Variants in VDAC1 observed in about 807,000 individuals in gnomAD.
The protein encoded by VDAC1 is voltage dependent anion channel 1, also known as non-selective voltage-gated ion channel VDAC1.
VDAC1 carries 10 observed loss-of-function variants against 34.7 expected under a neutral mutation model. The observed-to-expected ratio is 0.29, with a 90% CI of 0.18 to 0.49. VDAC1 has a LOEUF of 0.49. VDAC1 is among the 20% of genes least tolerant of loss of function. The pLI is 0.99. For missense variants in VDAC1, 230 were observed against 347.9 expected, an observed-to-expected ratio of 0.66 and a Z score of 2.69; for synonymous variants, 130 against 136.0, an observed-to-expected ratio of 0.96 and a Z score of 0.30.
At chr5:134,021,550 C>T in the VDAC1 span, among the ~76,000 whole-genome samples, 12 of 122,366 alleles carry the variant, frequency 9.8e-5, no homozygotes, top group East Asian at 2.8e-3. Context: ...GTATTGAGAC[C>T]TTGTCTTAAA....
chr5:134,085,420 T>C, the VDAC1 span, among the ~76,000 whole-genome samples: 1 of 152,000 alleles, frequency 6.6e-6, no homozygotes, highest in Non-Finnish European at 1.5e-5. Context: ...AGTACAAAGC[T>C]TGGAGGTCTT....
At chr5:134,049,955 C>T in the VDAC1 span, among the ~76,000 whole-genome samples, 1 of 152,074 alleles carries the variant, frequency 6.6e-6, no homozygotes, top group African/African-American at 2.4e-5. Flanking sequence ...TTTAGATGTA[C>T]TAAATCCACC....
chr5:133,986,201 G>C (rs1752898139), intron 5 of VDAC1, among the ~76,000 whole-genome samples: 1 of 152,180 alleles, frequency 6.6e-6, no homozygotes, highest in African/African-American at 2.4e-5. Flanking sequence ...CTCAGCGTGG[G>C]TGCTGGTCCT....
the VDAC1 span, among the ~76,000 whole-genome samples, chr5:134,031,181 C>A: frequency 1.3e-5 from 2 of 152,012 alleles, no homozygotes; most frequent in African/African-American, 2.4e-5. Flanking sequence ...AGAACTAAAT[C>A]CAACATAGGA....
At chr5:134,088,772 A>G in the VDAC1 span, among the ~76,000 whole-genome samples, 2 of 152,156 alleles carry the variant, frequency 1.3e-5, no homozygotes, top group African/African-American at 4.8e-5. Context: ...ACTGAAGGTT[A>G]CCACTATTAC....
chr5:134,040,430 C>T, the VDAC1 span, among the ~76,000 whole-genome samples: 2 of 152,170 alleles, frequency 1.3e-5, no homozygotes, highest in Non-Finnish European at 2.9e-5. Context: ...CAAAAATTAA[C>T]TGGGTGTGGT....
the VDAC1 span, among the ~76,000 whole-genome samples, chr5:134,021,598 A>C: frequency 4.0e-4 from 61 of 152,242 alleles, no homozygotes; most frequent in South Asian, 1.5e-3. Flanking sequence ...TGGGGAAATA[A>C]AGCTACCAAG....
At chr5:134,094,519 A>C in the VDAC1 span, among the ~76,000 whole-genome samples, 4,841 of 152,126 alleles carry the variant, frequency 0.032, 99 homozygotes, top group Non-Finnish European at 0.05. Context: ...AACACGATAA[A>C]ACCCTGTCTC....
In VDAC1 at chr5:133,976,203, A is replaced by G. The variant is rs910398592; in HGVS notation, c.552-182T>C. 71 of 686,360 alleles carry G rather than the reference A, an allele frequency of 1.0e-4. No homozygotes were observed. The African/African-American group carries it at 1.1e-3, about 11-fold the overall frequency. The allele number at this position is 686,360 out of a possible 1,614,324, so 42.5% of individuals were successfully genotyped here. A position where few individuals can be genotyped will look rare whatever the true frequency, so the allele number is the denominator to read the frequency against. On this transcript the variant is annotated intron_variant, in intron 6 of 8. Transcript: ENST00000265333. ...CAGGTACTAAATTACAGGAAGTCTG[A>G]TAAGTATGGAACAGGCACCTAGCCA...
the VDAC1 span, among the ~76,000 whole-genome samples, chr5:134,104,409 A>G: frequency 6.6e-6 from 1 of 152,194 alleles, no homozygotes; most frequent in Admixed American, 6.5e-5. Flanking sequence ...GGATCACTGC[A>G]CAAAGGGTCT....
chr5:134,102,340 C>CG, the VDAC1 span, among the ~76,000 whole-genome samples: 2 of 147,124 alleles, frequency 1.4e-5, no homozygotes, highest in African/African-American at 5.4e-5. Context: ...CTCTACCCCC[C>CG]CCACCCCAAA....
At chr5:134,027,708 T>C in the VDAC1 span, among the ~76,000 whole-genome samples, 1 of 151,712 alleles carries the variant, frequency 6.6e-6, no homozygotes, top group Non-Finnish European at 1.5e-5. Context: ...CCTGCCCACC[T>C]ACCATGACTG....
At chr5:134,020,054 T>C in the VDAC1 span, among the ~76,000 whole-genome samples, 1 of 151,924 alleles carries the variant, frequency 6.6e-6, no homozygotes, top group Non-Finnish European at 1.5e-5. Flanking sequence ...TGTGACCTAC[T>C]CTCTAGCCTT....
the VDAC1 span, among the ~76,000 whole-genome samples, chr5:134,060,752 A>G: frequency 6.6e-6 from 1 of 151,676 alleles, no homozygotes; most frequent in South Asian, 2.1e-4. Flanking sequence ...ATACCTATAA[A>G]TCATATATAT....
the VDAC1 span, among the ~76,000 whole-genome samples, chr5:134,060,152 G>C: frequency 6.6e-6 from 1 of 151,880 alleles, no homozygotes; most frequent in Non-Finnish European, 1.5e-5. Context: ...AAAGCCAAGA[G>C]TCAGAAACTG....
At chr5:133,992,675 G>A (rs989100320) in intron 2 of VDAC1, among the ~76,000 whole-genome samples, 10 of 152,394 alleles carry the variant, frequency 6.6e-5, no homozygotes, top group African/African-American at 1.9e-4. Context: ...TATAGAAGCC[G>A]CGCTCCACTG....
the VDAC1 span, among the ~76,000 whole-genome samples, chr5:134,022,751 G>A: frequency 6.6e-6 from 1 of 152,202 alleles, no homozygotes; most frequent in Non-Finnish European, 1.5e-5. Context: ...TCTTATAAAA[G>A]TCTTTGCATT....
At chr5:134,036,328 A>C in the VDAC1 span, among the ~76,000 whole-genome samples, 3 of 152,156 alleles carry the variant, frequency 2.0e-5, no homozygotes, top group Admixed American at 6.5e-5. Flanking sequence ...ATTTCTGCTA[A>C]AATGCATAAC....
At chr5:134,098,987 G>T in the VDAC1 span, among the ~76,000 whole-genome samples, 1 of 152,242 alleles carries the variant, frequency 6.6e-6, no homozygotes, top group Non-Finnish European at 1.5e-5. Flanking sequence ...TCCTGAAGGA[G>T]CAATGAGAAG....
Sources: gnomAD v4.1 joint callset for allele counts (sites outside exome capture counted in the v4.1 genomes callset) on GRCh38, gnomAD v4.1.1 for gene constraint, MANE v1.5 for transcripts, NCBI Gene and HGNC (gene_info 2026-07-23, HGNC 2026-07-21) for gene names.